Variants in NDNF observed in about 807,000 individuals in gnomAD.
NDNF encodes the protein protein NDNF.
A neutral mutation model predicts 42.0 loss-of-function variants in NDNF; 16 were observed. The ratio of observed to expected loss-of-function variants is 0.38; its 90% CI spans 0.26 to 0.58. The LOEUF is 0.58. NDNF is among the 20% of genes least tolerant of loss of function. NDNF has a pLI of 0.67. For synonymous variants in NDNF, 248 were observed against 251.7 expected (o/e 0.99, Z 0.14); for missense variants, 616 against 666.2 (o/e 0.92, Z 0.83).
In NDNF at chr4:121,037,624, T is replaced by C. The variant is rs1163703774; in HGVS notation, c.347A>G (p.Gln116Arg). 2.5e-6 allele frequency: 4 copies of C among 1,591,596 alleles called. No homozygotes were observed. In the East Asian group the frequency reaches 8.9e-5, roughly 35 times the overall value. The change falls in exon 4 of 4, where the codon CAG becomes CGG. Residue 116 changes from glutamine to arginine, a missense_variant. Gln to Arg is a conservative substitution (Grantham distance 43, BLOSUM62 1). Transcript: ENST00000379692. ...CTCAGTGCCTTCCTCATTAATGATC[T>C]GCTGCTTCTGCTGCTCAAGAGGTTC... ...DLEPLEQQKQ[Q>R]IINEEGTELF... is the part of the protein sequence containing the mutation.
At position 121,036,831 on chromosome 4, in the gene NDNF, A is replaced by G. The variant is rs1726879281; in HGVS notation, c.1140T>C (p.Ser380=). 1 of 1,614,052 alleles carries G rather than the reference A, an allele frequency of 6.2e-7. No homozygotes were observed. The change falls in exon 4 of 4, where the codon TCT becomes TCC. Residue 380 remains serine, a synonymous_variant. Coordinates refer to ENST00000379692, the MANE Select transcript of NDNF (RefSeq NM_024574.4). ...SHQKVTFFIH[S]CLDAVQIQVR... is the part of the protein sequence containing the mutation. ...CTTGGATTTGGACAGCATCCAGACAAGAGTGAATAAAGAAGGTGACTTTTT... is the reference window on the plus strand; with the variant it reads ...CTTGGATTTGGACAGCATCCAGACAGGAGTGAATAAAGAAGGTGACTTTTT...
chr4:121,065,836 T>G (rs1727491012), intron 1 of NDNF, among the ~76,000 whole-genome samples: 1 of 152,112 alleles, frequency 6.6e-6, no homozygotes, highest in African/African-American at 2.4e-5. Context: ...TATTAAAATA[T>G]CTTTGTAAAA....
At chr4:121,071,840 G>A (rs970213350) in intron 1 of NDNF, 153 bp downstream of exon 1, 4 of 151,260 alleles carry the variant, frequency 2.6e-5, no homozygotes, top group Admixed American at 6.6e-5. Flanking sequence ...GGGCGCCCTT[G>A]AGAAGCTTCT....
intron 1 of NDNF, among the ~76,000 whole-genome samples, chr4:121,061,782 T>C (rs1413616044): frequency 1.3e-5 from 2 of 152,112 alleles, no homozygotes; most frequent in Non-Finnish European, 2.9e-5. Context: ...CAAAGCAAAA[T>C]AGAAAAAGAT....
At chr4:121,066,149 TTA>T (rs1727496087) in intron 1 of NDNF, among the ~76,000 whole-genome samples, 2 of 152,102 alleles carry the variant, frequency 1.3e-5, no homozygotes, top group Admixed American at 1.3e-4. Flanking sequence ...TGTTAAATGT[TTA>T]TCTCTCATTT....
intron 1 of NDNF, among the ~76,000 whole-genome samples, chr4:121,065,965 A>C (rs1727492592): frequency 6.6e-6 from 1 of 152,106 alleles, no homozygotes; most frequent in Admixed American, 6.5e-5. Context: ...GTAAAAGTTA[A>C]AAATAAAATT....
Position 121,036,196 on chromosome 4 carries a change from A to G in NDNF, c.*68T>C. On this transcript the variant is annotated 3_prime_UTR_variant, in exon 4 of 4. Coordinates refer to ENST00000379692, the MANE Select transcript of NDNF (RefSeq NM_024574.4). ...ACTTCTCTCAACTGTGGGAGTAGTC[A>G]GTTTATACTTAAAGTGATTTAATGT... 1.6e-6 allele frequency: 2 copies of G among 1,278,106 alleles called. No homozygotes were observed. Among genetic ancestry groups the G allele is most frequent in the South Asian group, 2.9e-5 (2 of 69,708 alleles). The allele number at this position is 1,278,106 out of a possible 1,614,324, so 79.2% of individuals were successfully genotyped here.
chr4:121,051,926 A>G (rs1176830931), intron 1 of NDNF, among the ~76,000 whole-genome samples: 1 of 152,200 alleles, frequency 6.6e-6, no homozygotes, highest in Non-Finnish European at 1.5e-5. Context: ...ACAATTGCAA[A>G]TCTGGTAGAT....
Position 121,037,379 on chromosome 4 carries a change from G to T in NDNF, c.592C>A (p.Pro198Thr), listed in dbSNP as rs759106878. The change falls in exon 4 of 4, where the codon CCA becomes ACA. Residue 198 changes from proline (P) to threonine (T), a missense_variant. Transcript: ENST00000379692. Reference protein sequence around the residue: ...GRTTVTLAWKPSPTASLLKQP... With the variant: ...GRTTVTLAWKTSPTASLLKQP... ...TTCAGCAAAGAGGCAGTGGGGCTTGGTTTCCAGGCCAAAGTGACCGTGGTG... is the reference window on the plus strand; with the variant it reads ...TTCAGCAAAGAGGCAGTGGGGCTTGTTTTCCAGGCCAAAGTGACCGTGGTG... 1.1e-5 allele frequency: 18 copies of T among 1,614,012 alleles called. No individual in the cohort carries two copies. In the Admixed American group the frequency reaches 3.0e-4, roughly 27 times the overall value.
chr4:121,043,718 G>T (rs955981604), intron 2 of NDNF, among the ~76,000 whole-genome samples: 2 of 152,176 alleles, frequency 1.3e-5, no homozygotes, highest in Non-Finnish European at 2.9e-5. Flanking sequence ...ATTACATAAT[G>T]TGGAATGCTG....
intron 1 of NDNF, among the ~76,000 whole-genome samples, chr4:121,057,134 T>C (rs962055524): frequency 1.3e-5 from 2 of 152,152 alleles, no homozygotes; most frequent in African/African-American, 4.8e-5. Context: ...ATTAATATAA[T>C]GATCCCAGAG....
intron 1 of NDNF, among the ~76,000 whole-genome samples, chr4:121,048,920 T>C (rs1024863921): frequency 2.0e-4 from 31 of 152,224 alleles, no homozygotes; most frequent in Admixed American, 2.0e-3. Flanking sequence ...TTCTAAGTTC[T>C]TTATATATAT....
At chr4:121,071,552 G>A (rs183492191) in intron 1 of NDNF, 1 of 152,268 alleles carries the variant, frequency 6.6e-6, no homozygotes, top group African/African-American at 2.4e-5. Flanking sequence ...TGGAAAGGGA[G>A]GCAACAGCCC....
chr4:121,053,179 C>T (rs909090410), intron 1 of NDNF, among the ~76,000 whole-genome samples: 12 of 152,202 alleles, frequency 7.9e-5, no homozygotes, highest in African/African-American at 2.9e-4. Flanking sequence ...ATTTCAACTG[C>T]AATGATTCCA....
chr4:121,055,873 T>A (rs1233171164), intron 1 of NDNF, among the ~76,000 whole-genome samples: 1 of 152,094 alleles, frequency 6.6e-6, no homozygotes, highest in Non-Finnish European at 1.5e-5. Flanking sequence ...AAGGGATGCA[T>A]ATTATTTGAG....
In NDNF at chr4:121,039,912, A is replaced by G. The variant is rs1197861609; in HGVS notation, c.313+18T>C. ...CATCCATTCAAAGGTCCAGGGGCAG[A>G]TCTATCCTGCTGCTTACCTGAGCCT... On this transcript the variant is annotated intron_variant, in intron 3 of 3. Coordinates refer to ENST00000379692, the MANE Select transcript of NDNF (RefSeq NM_024574.4). 3 of 1,609,526 alleles carry G rather than the reference A, an allele frequency of 1.9e-6. No individual in the cohort carries two copies. Among genetic ancestry groups the G allele is most frequent in the Admixed American group, 3.4e-5 (2 of 58,838 alleles).
chr4:121,051,594 AATTC>A (rs1021079646), intron 1 of NDNF, among the ~76,000 whole-genome samples: 1 of 152,120 alleles, frequency 6.6e-6, no homozygotes, highest in Non-Finnish European at 1.5e-5. Flanking sequence ...ACCCTACAAA[AATTC>A]AACTTGCCCC....
At chr4:121,039,028 T>C (rs1161536610) in intron 3 of NDNF, 1 of 149,364 alleles carries the variant, frequency 6.7e-6, no homozygotes, top group African/African-American at 2.5e-5. Context: ...TTCTGTATCT[T>C]GGTCTCTTTA....
rs908196630 is a variant in NDNF at position 121,036,044 on chromosome 4, A to G, written c.*220T>C. ...AAGAAGCCCTCTATCTTTGACACCA[A>G]CCGGCATCAGACACACACTAGGTAC... On this transcript the variant is annotated 3_prime_UTR_variant, in exon 4 of 4. Coordinates refer to ENST00000379692, the MANE Select transcript of NDNF (RefSeq NM_024574.4). 22 of 457,836 alleles carry G rather than the reference A, an allele frequency of 4.8e-5. No homozygotes were observed. The Middle Eastern group carries it at 1.7e-3, about 35-fold the overall frequency. 28.4% of individuals were successfully genotyped at this position (457,836 alleles called of 1,614,324 possible).
Sources: gnomAD v4.1 joint callset for allele counts (sites outside exome capture counted in the v4.1 genomes callset) on GRCh38, gnomAD v4.1.1 for gene constraint, MANE v1.5 for transcripts, NCBI Gene and HGNC (gene_info 2026-07-23, HGNC 2026-07-21) for gene names.